Variants in BTBD18 observed in about 807,000 individuals in gnomAD.
BTBD18 encodes the protein BTB/POZ domain-containing protein 18.
For missense variants in BTBD18, 787 were observed against 846.3 expected (o/e 0.93, Z 0.87); for synonymous variants, 311 against 324.4 (o/e 0.96, Z 0.44).
In BTBD18 at chr11:57,744,372, A is replaced by T; in HGVS notation, c.1901T>A (p.Val634Glu). ...GDLSPPCSNW[V>E]ETGLEVSLTT... ...CAAGGAGACTTCCAGCCCAGTCTCC[A>T]CCCAGTTTGAGCAGGGAGGTGAGAG... Residue 634 changes from valine to glutamate, a missense_variant, in exon 3 of 3, where the codon GTG becomes GAG. Physicochemically the swap from Val to Glu is moderately radical, Grantham distance 121. Coordinates refer to ENST00000422652, the MANE Select transcript of BTBD18 (RefSeq NM_001145101.3). 1.9e-6 allele frequency: 3 copies of T among 1,551,606 alleles called. No homozygotes were observed. Among genetic ancestry groups the T allele is most frequent in the Non-Finnish European group, 2.6e-6 (3 of 1,146,922 alleles).
In BTBD18 at chr11:57,744,745, G is replaced by A; in HGVS notation, c.1528C>T (p.Pro510Ser). 3.2e-6 allele frequency: 5 copies of A among 1,551,674 alleles called. No homozygotes were observed. The highest frequency in any genetic ancestry group is 2.0e-5 in the Admixed American group (1 of 51,000). ...FMLCGSDIEP[P>S]IGSLESPGAE... ...CCTGGACTCTCCAGAGACCCTATAG[G>A]TGGTTCAATGTCTGAGCCACAGAGC... Residue 510 changes from proline to serine, a missense_variant, in exon 3 of 3, where the codon CCT (proline) becomes TCT (serine). By Grantham distance (74) the Pro-to-Ser change is moderately conservative. Transcript: ENST00000422652.
At position 57,744,215 on chromosome 11, in the gene BTBD18, C is replaced by T; in HGVS notation, c.2058G>A (p.Gly686=). ...EIDVVDWTAE[G]RLVPTTVPSV... ...AGGGAACAGTAGTGGGTACCAGCCT[C>T]CCCTCTGCTGTCCAGTCCACCACAT... Residue 686 remains glycine, a synonymous_variant, in exon 3 of 3, where the codon GGG becomes GGA. Transcript: ENST00000422652. 6.4e-7 allele frequency: 1 copy of T among 1,551,678 alleles called. No homozygotes were observed. Among genetic ancestry groups the T allele is most frequent in the Non-Finnish European group, 8.7e-7 (1 of 1,146,962 alleles).
At chr11:57,746,624 C>T (rs1406970428) in intron 2 of BTBD18, among the ~76,000 whole-genome samples, 1 of 151,910 alleles carries the variant, frequency 6.6e-6, no homozygotes, top group African/African-American at 2.4e-5. Context: ...GTGTCCAGCC[C>T]GCTACCTTGT....
rs930604935 is a variant in BTBD18, at chr11:57,744,702, G to T, written c.1571C>A (p.Thr524Lys). 1 of 1,551,652 alleles carries T rather than the reference G, an allele frequency of 6.4e-7. No individual in the cohort carries two copies. The highest frequency in any genetic ancestry group is 1.2e-5 in the South Asian group (1 of 84,054). ...LESPGAEGCR[T>K]PTYHLTETGK... ...TGTTTCTGTCAGATGGTAGGTAGGC[G>T]TTCTGCAGCCCTCAGCCCCTGGACT... Residue 524 changes from threonine (T) to lysine (K), a missense_variant, in exon 3 of 3, where the codon ACG becomes AAG. Physicochemically the swap from Thr to Lys is moderately conservative, Grantham distance 78. Coordinates refer to ENST00000422652, the MANE Select transcript of BTBD18 (RefSeq NM_001145101.3).
rs536677168 is a variant in BTBD18, at chr11:57,745,361, A to C, written c.912T>G (p.Asn304Lys). 2.9e-5 allele frequency: 45 copies of C among 1,551,344 alleles called. No homozygotes were observed. In the Admixed American group the frequency reaches 7.5e-4, roughly 26 times the overall value. Residue 304 changes from asparagine to lysine, a missense_variant, in exon 3 of 3, where the codon AAT (asparagine) becomes AAG (lysine). Physicochemically the swap from Asn to Lys is moderately conservative, Grantham distance 94 (BLOSUM62 0). Transcript: ENST00000422652. Reference protein sequence around the residue: ...GRRLWRQRSVNKETPEDKPKP... With the variant: ...GRRLWRQRSVKKETPEDKPKP... ...TTGGCTTGTCCTCTGGTGTTTCTTT[A>C]TTTACACTCCTCTGCCGCCAAAGAC...
Position 57,745,798 on chromosome 11 carries a change from G to T in BTBD18, c.475C>A (p.Pro159Thr). Reference protein sequence around the residue: ...AAPISARVVTPSHHPHTPLPT... With the variant: ...AAPISARVVTTSHHPHTPLPT... ...AGTGGGGTGTGAGGGTGGTGGCTGG[G>T]TGTCACCACTCTGGCAGAGATTGGT... The change falls in exon 3 of 3, where the codon CCC (proline) becomes ACC (threonine). Residue 159 changes from proline to threonine, a missense_variant. Transcript: ENST00000422652. 1 of 1,551,564 alleles carries T rather than the reference G, an allele frequency of 6.4e-7. No individual in the cohort carries two copies. The highest frequency in any genetic ancestry group is 1.7e-4 in the Middle Eastern group (1 of 5,992).
chr11:57,746,422 C>T (rs930938465), intron 2 of BTBD18, among the ~76,000 whole-genome samples: 12 of 151,356 alleles, frequency 7.9e-5, no homozygotes, highest in Non-Finnish European at 1.2e-4. Context: ...CTCTGCCTCC[C>T]GGGTTCAAGC....
chr11:57,745,576 C>T lies in BTBD18; in HGVS notation c.697G>A (p.Glu233Lys). ...TCAAGGGCAGTGTCATTCTTGTTCTCTCTAGGCTCTTGACTATGGCTTGAT... is the reference window on the plus strand; with the variant it reads ...TCAAGGGCAGTGTCATTCTTGTTCTTTCTAGGCTCTTGACTATGGCTTGAT... ...SPSSHSQEPR[E>K]NKNDTALDPT... The change falls in exon 3 of 3, where the codon GAG becomes AAG. Residue 233 changes from glutamate (E) to lysine (K), a missense_variant. Glu to Lys is a moderately conservative substitution (Grantham distance 56, BLOSUM62 1). Coordinates refer to ENST00000422652, the MANE Select transcript of BTBD18 (RefSeq NM_001145101.3). 6.4e-7 allele frequency: 1 copy of T among 1,551,328 alleles called. No individual in the cohort carries two copies. Among genetic ancestry groups the T allele is most frequent in the African/African-American group, 1.4e-5 (1 of 73,158 alleles).
At chr11:57,746,544 G>T (rs1321175554) in intron 2 of BTBD18, among the ~76,000 whole-genome samples, 1 of 151,858 alleles carries the variant, frequency 6.6e-6, no homozygotes, top group East Asian at 1.9e-4. Flanking sequence ...TGGTCAGGCC[G>T]GTCTCCTGAC....
rs550178096 is a variant in BTBD18 at position 57,749,731 on chromosome 11, C to T, written c.124+1334G>A. On this transcript the variant is annotated intron_variant, in intron 2 of 2. Transcript: ENST00000422652. ...CGCAATTGCACTTCAGCCTGGGCGA[C>T]AGCGCAAGAATCTCAAAAAAAAAAA... is the stretch of plus-strand genomic sequence containing the variant. 1.6e-4 allele frequency among the ~76,000 whole-genome samples: 17 copies of T among 107,818 alleles called. No individual in the cohort carries two copies. The Admixed American group carries it at 2.6e-3, about 17-fold the overall frequency. The allele number at this position is 107,818 out of a possible 152,430, so 70.7% of individuals were successfully genotyped here.
At chr11:57,750,821 A>G (rs1949291365) in intron 2 of BTBD18, among the ~76,000 whole-genome samples, 1 of 152,276 alleles carries the variant, frequency 6.6e-6, no homozygotes, top group Non-Finnish European at 1.5e-5. Flanking sequence ...TCCATGTTAT[A>G]TAGAATGTAT....
intron 2 of BTBD18, among the ~76,000 whole-genome samples, chr11:57,747,894 G>A (rs1949228334): frequency 6.6e-6 from 1 of 152,152 alleles, no homozygotes; most frequent in Non-Finnish European, 1.5e-5. Context: ...CAACCTCCCG[G>A]GCTCTGGTGA....
chr11:57,752,949 G>A (rs1276989575), upstream of BTBD18, among the ~76,000 whole-genome samples: 2 of 152,246 alleles, frequency 1.3e-5, no homozygotes, highest in East Asian at 3.9e-4. Context: ...TGGACCGTGG[G>A]GATCCGGGAG....
In BTBD18 at chr11:57,744,380, T is replaced by G; in HGVS notation, c.1893A>C (p.Ser631=). The G allele has an allele frequency of 6.4e-7, 1 of 1,551,672 alleles. No homozygotes were observed. Reference sequence around the variant, plus strand: ...CTTCCAGCCCAGTCTCCACCCAGTTTGAGCAGGGAGGTGAGAGGTCCCCAT... The same window carrying G: ...CTTCCAGCCCAGTCTCCACCCAGTTGGAGCAGGGAGGTGAGAGGTCCCCAT... ...RSYGDLSPPC[S]NWVETGLEVS... The change falls in exon 3 of 3, where the codon TCA becomes TCC. Residue 631 remains serine (S), a synonymous_variant. Transcript: ENST00000422652.
At chr11:57,751,272 A>G (rs1949301240) in intron 1 of BTBD18, 36 bp from the exon 2 acceptor site, 2 of 1,146,694 alleles carry the variant, frequency 1.7e-6, no homozygotes, top group Non-Finnish European at 2.3e-6. Flanking sequence ...AGGCATGGTT[A>G]CATCTAATTT....
intron 2 of BTBD18, among the ~76,000 whole-genome samples, 183 bp from the exon 3 acceptor site, chr11:57,746,331 ATTTTT>A (rs35886239): frequency 1.7e-5 from 2 of 115,368 alleles, no homozygotes. Context: ...TTGCCTAGCT[ATTTTT>A]TTTTTTTTTT....
At chr11:57,747,540 A>G (rs1177145088) in intron 2 of BTBD18, among the ~76,000 whole-genome samples, 1 of 152,074 alleles carries the variant, frequency 6.6e-6, no homozygotes, top group African/African-American at 2.4e-5. Flanking sequence ...TTTGAGGCGG[A>G]GTCTCACTCT....
rs368566432 is a variant in BTBD18, at chr11:57,745,709, C to T, written c.564G>A (p.Glu188=). ...AIRLKSLGKE[E]GPQENNRQNA... ...TCTGTCGGTTGTTTTCCTGGGGCCCCTCTTCCTTCCCCAAGGACTTCAATC... is the reference window on the plus strand; with the variant it reads ...TCTGTCGGTTGTTTTCCTGGGGCCCTTCTTCCTTCCCCAAGGACTTCAATC... Residue 188 remains glutamate, a synonymous_variant, in exon 3 of 3, where the codon GAG becomes GAA. Transcript: ENST00000422652. 40 of 1,551,542 alleles carry T rather than the reference C, an allele frequency of 2.6e-5. No individual in the cohort carries two copies. The Admixed American group carries it at 6.3e-4, about 24-fold the overall frequency.
In BTBD18 at chr11:57,744,013, A is replaced by G. The variant is rs1949142487; in HGVS notation, c.*121T>C. Reference sequence around the variant, plus strand: ...TAGGGAAGGGAGGAAGGGACCTACAAAGAGCCAGGGTACACCTGCCTCTTG... The same window carrying G: ...TAGGGAAGGGAGGAAGGGACCTACAGAGAGCCAGGGTACACCTGCCTCTTG... On this transcript the variant is annotated 3_prime_UTR_variant, in exon 3 of 3. Transcript: ENST00000422652. 2 of 693,222 alleles carry G rather than the reference A, an allele frequency of 2.9e-6. No individual in the cohort carries two copies. Among genetic ancestry groups the G allele is most frequent in the East Asian group, 2.7e-5 (1 of 36,378 alleles). 42.9% of individuals were successfully genotyped at this position (693,222 alleles called of 1,614,324 possible). A position where few individuals can be genotyped will look rare whatever the true frequency, so the allele number is the denominator to read the frequency against.
Sources: gnomAD v4.1 joint callset for allele counts (sites outside exome capture counted in the v4.1 genomes callset) on GRCh38, gnomAD v4.1.1 for gene constraint, MANE v1.5 for transcripts, NCBI Gene and HGNC (gene_info 2026-07-23, HGNC 2026-07-21) for gene names.